SLMAP: variants seen among roughly 807,000 people sequenced by gnomAD.
SLMAP encodes the protein sarcolemma associated protein.
A neutral mutation model predicts 128.8 loss-of-function variants in SLMAP; 44 were observed. The observed-to-expected ratio is 0.34, with a 90% CI of 0.27 to 0.44. The LOEUF (loss-of-function observed/expected upper bound fraction) is 0.44, where lower values mean the gene tolerates loss of function less well. SLMAP is among the 20% of genes least tolerant of loss of function. SLMAP has a pLI of 1.00. For synonymous variants in SLMAP, 327 were observed against 348.8 expected, an observed-to-expected ratio of 0.94 and a Z score of 0.70; for missense variants, 787 against 985.3, an observed-to-expected ratio of 0.80 and a Z score of 2.69.
intron 14 of SLMAP, among the ~76,000 whole-genome samples, chr3:57,876,407 C>G (rs1228221419): frequency 1.3e-5 from 2 of 152,204 alleles, no homozygotes; most frequent in African/African-American, 4.8e-5. Context: ...AGAAATTGGA[C>G]TTTGAACAGA....
At chr3:57,865,922 T>A (rs2095288234) in intron 13 of SLMAP, among the ~76,000 whole-genome samples, 1 of 152,190 alleles carries the variant, frequency 6.6e-6, no homozygotes, top group Non-Finnish European at 1.5e-5. Flanking sequence ...AGATCCCTAG[T>A]CATTCTCCTT....
chr3:57,777,600 AG>A (rs1420226595), intron 2 of SLMAP, among the ~76,000 whole-genome samples: 1 of 152,172 alleles, frequency 6.6e-6, no homozygotes, highest in African/African-American at 2.4e-5. Context: ...GAATAAGAAA[AG>A]TTCAGAAGAA....
At chr3:57,791,138 T>C (rs2153475378) in intron 2 of SLMAP, among the ~76,000 whole-genome samples, 1 of 152,232 alleles carries the variant, frequency 6.6e-6, no homozygotes, top group East Asian at 1.9e-4. Context: ...GGCAGATCAC[T>C]TGATGTCAGG....
At chr3:57,847,948 T>C (rs1229766921) in intron 5 of SLMAP, among the ~76,000 whole-genome samples, 1 of 152,180 alleles carries the variant, frequency 6.6e-6, no homozygotes, top group Non-Finnish European at 1.5e-5. Flanking sequence ...AATCATCAAC[T>C]TCTGCAATAC....
chr3:57,759,609 T>A (rs1425862971), intron 2 of SLMAP, among the ~76,000 whole-genome samples: 1 of 152,168 alleles, frequency 6.6e-6, no homozygotes, highest in African/African-American at 2.4e-5. Flanking sequence ...TTCATAGAAC[T>A]CATTTTTCCA....
At chr3:57,907,804 T>G in intron 17 of SLMAP, 80 bp from the exon 18 acceptor site, 6 of 1,365,104 alleles carry the variant, frequency 4.4e-6, no homozygotes, top group African/African-American at 1.5e-5. Flanking sequence ...TGTGCAAACA[T>G]GAGAGAGATT....
intron 2 of SLMAP, among the ~76,000 whole-genome samples, chr3:57,785,473 T>C (rs2083899890): frequency 6.6e-6 from 1 of 152,190 alleles, no homozygotes; most frequent in Non-Finnish European, 1.5e-5. Context: ...GGTTATAAAG[T>C]TTGTGCCCCG....
At chr3:57,899,179 C>T (rs551564247) in intron 17 of SLMAP, 2 of 151,938 alleles carry the variant, frequency 1.3e-5, no homozygotes, top group Non-Finnish European at 2.9e-5. Flanking sequence ...TTGTTACTTG[C>T]CAGATAATCA....
At chr3:57,791,440 A>G (rs548014385) in intron 2 of SLMAP, among the ~76,000 whole-genome samples, 129 of 152,212 alleles carry the variant, frequency 8.5e-4, no homozygotes, top group African/African-American at 1.3e-3. Context: ...AATGTTTTCT[A>G]TTGTAAAGCA....
At position 57,922,425 on chromosome 3, in the gene SLMAP, C is replaced by CTTT. The variant is rs72397483; in HGVS notation, c.2311-447_2311-445dup. Among the ~76,000 whole-genome samples, 116 of 124,992 alleles carry CTTT rather than the reference C, an allele frequency of 9.3e-4. 1 individual carries two copies. Among genetic ancestry groups the CTTT allele is most frequent in the Middle Eastern group, 4.1e-3 (1 of 242 alleles). 82.0% of individuals were successfully genotyped at this position (124,992 alleles called of 152,430 possible). A position where few individuals can be genotyped will look rare whatever the true frequency, so the allele number is the denominator to read the frequency against. On this transcript the variant is annotated intron_variant, in intron 22 of 24. Transcript: ENST00000671191. ...AATAAAGTCAACATTAAAGGCTTTT[C>CTTT]TTTTTTTTTTTTTTTTTTTGAGACG...
At chr3:57,788,217 T>C (rs927059545) in intron 2 of SLMAP, among the ~76,000 whole-genome samples, 2 of 152,210 alleles carry the variant, frequency 1.3e-5, no homozygotes, top group Non-Finnish European at 2.9e-5. Flanking sequence ...AAAGGTAGAT[T>C]TGGACCAAGT....
intron 6 of SLMAP, among the ~76,000 whole-genome samples, chr3:57,853,671 G>A (rs1197967583): frequency 1.3e-5 from 2 of 151,824 alleles, no homozygotes; most frequent in Non-Finnish European, 2.9e-5. Context: ...GCTGGGCACG[G>A]TGGCTATGCC....
At chr3:57,825,335 C>T (rs552442496) in intron 2 of SLMAP, among the ~76,000 whole-genome samples, 1 of 151,912 alleles carries the variant, frequency 6.6e-6, no homozygotes, top group South Asian at 2.1e-4. Flanking sequence ...GGAATGCTTT[C>T]AGTCTTTTAC....
chr3:57,786,938 A>G (rs559011788), intron 2 of SLMAP, among the ~76,000 whole-genome samples: 23 of 152,056 alleles, frequency 1.5e-4, no homozygotes, highest in East Asian at 1.4e-3. Context: ...GGGTTTCACC[A>G]TGTTAGCCAG....
Position 57,786,599 on chromosome 3 carries a change from C to G in SLMAP, c.198+28750C>G, listed in dbSNP as rs543505477. Among the ~76,000 whole-genome samples the G allele has an allele frequency of 3.3e-5, 5 of 149,268 alleles. No homozygotes were observed. In the East Asian group the frequency reaches 9.8e-4, roughly 29 times the overall value. On this transcript the variant is annotated intron_variant, in intron 2 of 24. Coordinates refer to ENST00000671191, the MANE Select transcript of SLMAP (RefSeq NM_001377540.1). ...AAAGACAGAGTCTCACTCTGTTATC[C>G]AGGCTGGAGTGCAGTGGCACGATCT...
chr3:57,855,593 T>A (rs2094727737), intron 6 of SLMAP, among the ~76,000 whole-genome samples: 1 of 150,738 alleles, frequency 6.6e-6, no homozygotes, highest in Admixed American at 6.6e-5. Context: ...AAAAAGTTTT[T>A]GGGGCAGGCA....
intron 15 of SLMAP, chr3:57,891,086 A>AT (rs1415276934): frequency 6.6e-6 from 1 of 151,854 alleles, no homozygotes; most frequent in African/African-American, 2.4e-5. Context: ...ACATATGGCA[A>AT]TTTTTTTCAC....
At position 57,861,651 on chromosome 3, in the gene SLMAP, A is replaced by C. The variant is rs376994682; in HGVS notation, c.829-298A>C. Among the ~76,000 whole-genome samples the C allele has an allele frequency of 2.4e-4, 36 of 152,328 alleles. 2 individuals are homozygous for C. The South Asian group carries it at 7.2e-3, about 31-fold the overall frequency. On this transcript the variant is annotated intron_variant, in intron 9 of 24. Coordinates refer to ENST00000671191, the MANE Select transcript of SLMAP (RefSeq NM_001377540.1). ...GGCTTAAAATATTTTCACAGCTAAA[A>C]GTCATACCCATTGGCCTTTCAAAAA...
At position 57,852,754 on chromosome 3, in the gene SLMAP, A is replaced by G. The variant is rs568975027; in HGVS notation, c.519+2938A>G. On this transcript the variant is annotated intron_variant, in intron 6 of 24. Transcript: ENST00000671191. ...TTAAATTATTTGCCCAGGCATGTAT[A>G]CTACTGTTACTAGTCATCGTGGATA... Among the ~76,000 whole-genome samples, 7 of 152,324 alleles carry G rather than the reference A, an allele frequency of 4.6e-5. No individual in the cohort carries two copies. In the East Asian group the frequency reaches 1.2e-3, roughly 25 times the overall value.
Sources: allele counts gnomAD v4.1 joint callset (sites outside exome capture counted in the v4.1 genomes callset), GRCh38; gene constraint gnomAD v4.1.1; transcripts MANE v1.5; gene names NCBI Gene and HGNC (gene_info 2026-07-23, HGNC 2026-07-21).